MAP3K20: variants seen among roughly 807,000 people sequenced by gnomAD.
MAP3K20 encodes the protein HCCS-4.
In MAP3K20, 40 loss-of-function variants were observed where a neutral mutation model predicts 85.7. The ratio of observed to expected loss-of-function variants is 0.47; its 90% CI spans 0.36 to 0.61. MAP3K20 has a LOEUF of 0.61. Ranked by LOEUF, MAP3K20 falls within the 20% of genes least tolerant of loss-of-function variation. The probability of loss-of-function intolerance (pLI) is 0.00; values close to 1 mark genes in which losing one functional copy is unlikely to be tolerated. For synonymous variants in MAP3K20, 325 were observed against 327.7 expected, an observed-to-expected ratio of 0.99 and a Z score of 0.09; for missense variants, 817 against 961.7, an observed-to-expected ratio of 0.85 and a Z score of 1.99.
chr2:173,076,039 G>GGAGGGGGC (rs1686843198), intron 1 of MAP3K20, 37 bp downstream of exon 1: 1 of 983,294 alleles, frequency 1.0e-6, no homozygotes, highest in African/African-American at 1.8e-5. Context: ...GGGCGGGGAG[G>GGAGGGGGC]GAGGGGGCGA....
chr2:173,117,360 C>A (rs1313435986), intron 2 of MAP3K20, among the ~76,000 whole-genome samples: 2 of 151,984 alleles, frequency 1.3e-5, no homozygotes, highest in South Asian at 4.1e-4. Context: ...CTCAATGTAG[C>A]CTCAACCTCC....
rs138756201 is a variant in MAP3K20 at position 173,264,544 on chromosome 2, G to T, written c.1702+649G>T. Among the ~76,000 whole-genome samples, 399 of 152,288 alleles carry T rather than the reference G, an allele frequency of 2.6e-3. 1 individual carries two copies. Among genetic ancestry groups the T allele is most frequent in the African/African-American group, 9.0e-3 (375 of 41,556 alleles). On this transcript the variant is annotated intron_variant, in intron 19 of 19. Coordinates refer to ENST00000375213, the MANE Select transcript of MAP3K20 (RefSeq NM_016653.3). ...CAACAGACTACCCGTCAGCAATTCT[G>T]CTTTGGCCAGAATGGAGCAACCTGT...
chr2:173,242,179 T>TC (rs201042840), intron 16 of MAP3K20, among the ~76,000 whole-genome samples: 9,232 of 149,592 alleles, frequency 0.062, 895 homozygotes, highest in East Asian at 0.53. Flanking sequence ...AAAAAAAAAT[T>TC]TTTTTTTTTT....
intron 1 of MAP3K20, chr2:173,090,559 T>C (rs1395246044): frequency 1.1e-6 from 1 of 941,312 alleles, no homozygotes; most frequent in African/African-American, 1.8e-5. Flanking sequence ...AGGTTGTGTA[T>C]ATTTTGTGTG....
At chr2:173,121,050 A>T (rs112694955) in intron 2 of MAP3K20, among the ~76,000 whole-genome samples, 1,709 of 152,254 alleles carry the variant, frequency 0.011, 23 homozygotes, top group South Asian at 0.036. Context: ...AAATCCATGT[A>T]TTCTGTTACA....
rs778484705 is a variant in MAP3K20 at position 173,191,212 on chromosome 2, A to T, written c.582+35A>T. 8.1e-6 allele frequency: 13 copies of T among 1,607,756 alleles called. No individual in the cohort carries two copies. The East Asian group carries it at 2.9e-4, about 36-fold the overall frequency. ...TTTCTCATTTCTTGTTTACTAAGGG[A>T]AATACAAAAAGCAAACACTCAAAAG... On this transcript the variant is annotated intron_variant, in intron 7 of 19. Transcript: ENST00000375213.
chr2:173,222,890 T>C, intron 11 of MAP3K20: 1 of 984,722 alleles, frequency 1.0e-6, no homozygotes, highest in Non-Finnish European at 1.2e-6. Context: ...AAAACACTTT[T>C]AATTATATAT....
intron 2 of MAP3K20, among the ~76,000 whole-genome samples, chr2:173,167,606 A>G (rs1689872142): frequency 6.6e-6 from 1 of 152,218 alleles, no homozygotes; most frequent in African/African-American, 2.4e-5. Context: ...TGCAAAAAAT[A>G]TGAGCACAAC....
chr2:173,216,639 G>A (rs1463200355), intron 10 of MAP3K20, among the ~76,000 whole-genome samples: 1 of 151,974 alleles, frequency 6.6e-6, no homozygotes, highest in African/African-American at 2.4e-5. Flanking sequence ...TGATTGCTTG[G>A]GTTACTCAGC....
intron 7 of MAP3K20, among the ~76,000 whole-genome samples, chr2:173,197,120 A>G (rs1690870442): frequency 6.6e-6 from 1 of 152,214 alleles, no homozygotes; most frequent in African/African-American, 2.4e-5. Flanking sequence ...TATTACTGAT[A>G]AAACTAGAAT....
At chr2:173,108,904 T>C (rs1017861469) in intron 2 of MAP3K20, among the ~76,000 whole-genome samples, 1 of 152,224 alleles carries the variant, frequency 6.6e-6, no homozygotes, top group African/African-American at 2.4e-5. Context: ...GGAATCTTAC[T>C]TGTGGGACAG....
At chr2:173,099,387 C>T (rs543864528) in intron 2 of MAP3K20, among the ~76,000 whole-genome samples, 67 of 148,754 alleles carry the variant, frequency 4.5e-4, no homozygotes, top group Admixed American at 1.2e-3. Flanking sequence ...TGGAATATAG[C>T]GAGCTCACTC....
intron 11 of MAP3K20, chr2:173,224,091 A>G: frequency 4.5e-6 from 4 of 879,404 alleles, no homozygotes; most frequent in Non-Finnish European, 5.5e-6. Flanking sequence ...TCGATGATAA[A>G]TAAAGCAAAT....
At position 173,091,205 on chromosome 2, in the gene MAP3K20, A is replaced by G; in HGVS notation, c.159+15A>G. 6.2e-7 allele frequency: 1 copy of G among 1,606,328 alleles called. No individual in the cohort carries two copies. Among genetic ancestry groups the G allele is most frequent in the Non-Finnish European group, 8.5e-7 (1 of 1,175,656 alleles). ...TAGAGAAAGAGGTAAGGTCTTTTCC[A>G]GCTGACAGAAACAGTCACGATACCA... On this transcript the variant is annotated intron_variant, in intron 2 of 19. Coordinates refer to ENST00000375213, the MANE Select transcript of MAP3K20 (RefSeq NM_016653.3).
At chr2:173,203,544 T>G (rs1683564582) in intron 8 of MAP3K20, among the ~76,000 whole-genome samples, 1 of 152,222 alleles carries the variant, frequency 6.6e-6, no homozygotes, top group Non-Finnish European at 1.5e-5. Flanking sequence ...ATTTTATGTT[T>G]TGTTGCATTA....
At chr2:173,077,947 A>G (rs1293539518) in intron 1 of MAP3K20, among the ~76,000 whole-genome samples, 1 of 152,236 alleles carries the variant, frequency 6.6e-6, no homozygotes, top group Non-Finnish European at 1.5e-5. Flanking sequence ...TTGGCAATAT[A>G]TTGGCTCAGA....
intron 16 of MAP3K20, among the ~76,000 whole-genome samples, chr2:173,250,190 C>A (rs979052972): frequency 6.6e-6 from 1 of 152,174 alleles, no homozygotes; most frequent in African/African-American, 2.4e-5. Context: ...TGAGAATAAT[C>A]AAAAATTGCC....
chr2:173,257,901 AC>A (rs1685196689), intron 16 of MAP3K20, among the ~76,000 whole-genome samples: 2 of 152,210 alleles, frequency 1.3e-5, no homozygotes, highest in South Asian at 4.1e-4. Context: ...TTTCCTGGTA[AC>A]GAATGGTGTA....
chr2:173,080,070 C>T (rs1686972401), intron 1 of MAP3K20, among the ~76,000 whole-genome samples: 1 of 152,196 alleles, frequency 6.6e-6, no homozygotes, highest in African/African-American at 2.4e-5. Context: ...AGCATCACCA[C>T]AAACACATGA....
Sources: allele counts gnomAD v4.1 joint callset (sites outside exome capture counted in the v4.1 genomes callset), GRCh38; gene constraint gnomAD v4.1.1; transcripts MANE v1.5; gene names NCBI Gene and HGNC (gene_info 2026-07-23, HGNC 2026-07-21).